The following SPON1 variants were observed in gnomAD, a reference collection of about 807,000 sequenced individuals.
The protein encoded by SPON1 is spondin 1.
In SPON1, 52 loss-of-function variants were observed where a neutral mutation model predicts 111.7. The observed-to-expected ratio is 0.47, with a 90% confidence interval of 0.37 to 0.59. SPON1 has a LOEUF of 0.59. SPON1 is among the 20% of genes least tolerant of loss of function. The pLI is 0.00. For synonymous variants in SPON1, 410 were observed against 395.8 expected (o/e 1.04, Z -0.43); for missense variants, 957 against 1,068.5 (o/e 0.90, Z 1.46).
At chr11:14,112,834 A>G (rs151135167) in intron 5 of SPON1, among the ~76,000 whole-genome samples, 2,174 of 152,192 alleles carry the variant, frequency 0.014, 13 homozygotes, top group Admixed American at 0.021. Context: ...TGCTCCTTCT[A>G]ATTCTTCCAA....
chr11:14,172,312 A>C (rs1334609790), intron 6 of SPON1, among the ~76,000 whole-genome samples: 1 of 151,864 alleles, frequency 6.6e-6, no homozygotes, highest in Non-Finnish European at 1.5e-5. Flanking sequence ...CTAGGGTTGC[A>C]ACCCCTGCCT....
chr11:14,126,909 T>C (rs190645038), intron 5 of SPON1, among the ~76,000 whole-genome samples: 114 of 152,206 alleles, frequency 7.5e-4, no homozygotes, highest in African/African-American at 2.6e-3. Context: ...ACCACCTCAT[T>C]CTGCAGGCCC....
chr11:13,987,273 G>T (rs568562595), intron 2 of SPON1, among the ~76,000 whole-genome samples: 45 of 152,272 alleles, frequency 3.0e-4, no homozygotes, highest in African/African-American at 1.1e-3. Flanking sequence ...GCGTGAGATG[G>T]TATCTCATTG....
Position 14,076,422 on chromosome 11 carries a change from T to A in SPON1, c.553+1004T>A, listed in dbSNP as rs528976026. On this transcript the variant is annotated intron_variant, in intron 4 of 15. Transcript: ENST00000576479. Reference sequence around the variant, plus strand: ...GGGAAAACAATAATAATAGGTAATATGTTTGGGGTGCTTTGCTACGTGCCA... The same window carrying A: ...GGGAAAACAATAATAATAGGTAATAAGTTTGGGGTGCTTTGCTACGTGCCA... Among the ~76,000 whole-genome samples the A allele has an allele frequency of 1.7e-3, 254 of 152,322 alleles. 1 individual carries two copies. The highest frequency in any genetic ancestry group is 3.1e-3 in the Non-Finnish European group (210 of 68,036).
chr11:14,173,312 C>T (rs933760555), intron 6 of SPON1, among the ~76,000 whole-genome samples: 4 of 152,188 alleles, frequency 2.6e-5, no homozygotes, highest in South Asian at 2.1e-4. Context: ...GCATTCGTCA[C>T]GTAGTTCTAG....
chr11:13,979,994 C>T (rs1296213057), intron 1 of SPON1, among the ~76,000 whole-genome samples: 1 of 152,026 alleles, frequency 6.6e-6, no homozygotes, highest in Non-Finnish European at 1.5e-5. Context: ...ACACTGAACA[C>T]TACACTTTTC....
At chr11:14,037,525 T>A (rs1290185941) in intron 2 of SPON1, among the ~76,000 whole-genome samples, 2 of 11,798 alleles carry the variant, frequency 1.7e-4, no homozygotes, top group Non-Finnish European at 3.0e-4. Context: ...CATATCCACA[T>A]GTAGAAAAAA....
chr11:14,055,530 A>G (rs1416860779), intron 3 of SPON1, among the ~76,000 whole-genome samples: 3 of 152,240 alleles, frequency 2.0e-5, no homozygotes, highest in Non-Finnish European at 4.4e-5. Context: ...TAGAAAGACC[A>G]GGCTTCTGCC....
intron 3 of SPON1, among the ~76,000 whole-genome samples, chr11:14,046,342 C>G (rs562661040): frequency 9.2e-5 from 14 of 152,286 alleles, no homozygotes; most frequent in African/African-American, 2.9e-4. Context: ...TTGATATAAT[C>G]TTTACGGAGT....
intron 2 of SPON1, among the ~76,000 whole-genome samples, chr11:14,027,225 G>A (rs1395269460): frequency 6.6e-6 from 1 of 152,164 alleles, no homozygotes; most frequent in Non-Finnish European, 1.5e-5. Context: ...ACAAAATCTG[G>A]CTAGGAACAG....
At chr11:13,984,874 T>A (rs1240696794) in intron 2 of SPON1, among the ~76,000 whole-genome samples, 2 of 152,224 alleles carry the variant, frequency 1.3e-5, no homozygotes, top group East Asian at 3.8e-4. Context: ...TCTGCTAGTG[T>A]CCAGACCTCA....
At position 14,258,990 on chromosome 11, in the gene SPON1, A is replaced by G. The variant is rs559718064; in HGVS notation, c.1493-290A>G. Among the ~76,000 whole-genome samples, 46 of 152,354 alleles carry G rather than the reference A, an allele frequency of 3.0e-4. No homozygotes were observed. In the South Asian group the frequency reaches 3.9e-3, roughly 13 times the overall value. ...TTATATGTAGATTAAATTATATCTT[A>G]TCTTAGATATATGCGTGTACATTTT... On this transcript the variant is annotated intron_variant, in intron 11 of 15. Coordinates refer to ENST00000576479, the MANE Select transcript of SPON1 (RefSeq NM_006108.4).
intron 6 of SPON1, among the ~76,000 whole-genome samples, chr11:14,179,872 CCTT>C (rs1434414487): frequency 2.7e-5 from 4 of 150,890 alleles, no homozygotes; most frequent in African/African-American, 9.7e-5. Context: ...GTCCTTTCCT[CCTT>C]CCCCTCCCCG....
At chr11:14,263,279 T>C (rs1300328353) in intron 15 of SPON1, among the ~76,000 whole-genome samples, 3 of 152,150 alleles carry the variant, frequency 2.0e-5, no homozygotes, top group African/African-American at 4.8e-5. Context: ...GTTCCTTCTT[T>C]ACACACATAT....
chr11:14,039,367 T>C (rs909362819), intron 2 of SPON1, among the ~76,000 whole-genome samples: 1 of 152,164 alleles, frequency 6.6e-6, no homozygotes, highest in Admixed American at 6.5e-5. Context: ...ATAGGCTCAT[T>C]GATTGTAACA....
Position 14,164,672 on chromosome 11 carries a change from G to A in SPON1, c.825+29104G>A, listed in dbSNP as rs76134462. 9.8e-5 allele frequency among the ~76,000 whole-genome samples: 15 copies of A among 152,302 alleles called. No homozygotes were observed. The East Asian group carries it at 2.7e-3, about 27-fold the overall frequency. ...TCATCACGACAGGGGCATTGCAATA[G>A]AGAAAGAGTAATTTATGCAGAGTTG... On this transcript the variant is annotated intron_variant, in intron 6 of 15. Coordinates refer to ENST00000576479, the MANE Select transcript of SPON1 (RefSeq NM_006108.4).
chr11:14,113,166 G>C (rs1243773231), intron 5 of SPON1, among the ~76,000 whole-genome samples: 1 of 152,098 alleles, frequency 6.6e-6, no homozygotes, highest in Non-Finnish European at 1.5e-5. Flanking sequence ...TAATCTCTAA[G>C]AAACTCAAAA....
At chr11:14,236,801 G>GTCAAATAC (rs35646865) in intron 6 of SPON1, among the ~76,000 whole-genome samples, 24,071 of 152,124 alleles carry the variant, frequency 0.16, 2,059 homozygotes, top group Middle Eastern at 0.24. Context: ...GACCAGCTGT[G>GTCAAATAC]TCAAATACTG....
At chr11:14,019,593 T>A (rs1848466424) in intron 2 of SPON1, among the ~76,000 whole-genome samples, 1 of 151,902 alleles carries the variant, frequency 6.6e-6, no homozygotes, top group South Asian at 2.1e-4. Flanking sequence ...TCTTAGGAGG[T>A]ATTTGGCTAT....
Sources: gnomAD v4.1 joint callset for allele counts (sites outside exome capture counted in the v4.1 genomes callset) on GRCh38, gnomAD v4.1.1 for gene constraint, MANE v1.5 for transcripts, NCBI Gene and HGNC (gene_info 2026-07-23, HGNC 2026-07-21) for gene names.